Variants in FGF13 observed in about 807,000 individuals in gnomAD.
FGF13 encodes the protein fibroblast growth factor homologous factor 2.
In FGF13, 2 loss-of-function variants were observed where a neutral mutation model predicts 19.5. The ratio of observed to expected loss-of-function variants is 0.10; its 90% CI spans 0.04 to 0.32. The LOEUF (loss-of-function observed/expected upper bound fraction) is 0.32. Among genes scored for constraint, FGF13 ranks in the 10% least tolerant of loss-of-function variants. FGF13 has a pLI of 1.00. For synonymous variants in FGF13, 72 were observed against 76.9 expected (o/e 0.94, Z 0.33); for missense variants, 113 against 192.7 (o/e 0.59, Z 2.45).
intron 3 of FGF13, among the ~76,000 whole-genome samples, chrX:138,833,458 G>A (rs141818249): frequency 0.021 from 2,387 of 111,155 alleles, 70 homozygotes; most frequent in African/African-American, 0.073. Context: ...TTTGGCTTTC[G>A]GCTTGACTGT....
chrX:138,890,666 G>A (rs1415043322), intron 1 of FGF13, among the ~76,000 whole-genome samples: 5 of 111,712 alleles, frequency 4.5e-5, no homozygotes, highest in African/African-American at 9.8e-5. Flanking sequence ...CACTCAGTCT[G>A]GTGTTGAAAT....
At chrX:139,197,993 C>CAAAAAAAAAA (rs57335781) in intron 1 of FGF13, among the ~76,000 whole-genome samples, 7 of 23,280 alleles carry the variant, frequency 3.0e-4, no homozygotes, top group South Asian at 3.5e-3. Flanking sequence ...GACCCTACCT[C>CAAAAAAAAAA]AAAAAAAAAA....
At chrX:138,960,346 G>A in intron 1 of FGF13, among the ~76,000 whole-genome samples, 1 of 111,709 alleles carries the variant, frequency 9.0e-6, no homozygotes, top group Non-Finnish European at 1.9e-5. Context: ...GTTGAATATT[G>A]GCCCCCACTC....
chrX:138,916,149 G>T (rs1338193077), intron 1 of FGF13, among the ~76,000 whole-genome samples: 1 of 111,665 alleles, frequency 9.0e-6, no homozygotes, highest in African/African-American at 3.3e-5. Flanking sequence ...TCCATAATTC[G>T]CAGTGAGTCG....
chrX:139,131,003 A>G (rs2083756211), intron 1 of FGF13, among the ~76,000 whole-genome samples: 1 of 111,870 alleles, frequency 8.9e-6, no homozygotes, highest in Non-Finnish European at 1.9e-5. Context: ...TGATTTTTCT[A>G]TTTATAATTC....
chrX:138,896,415 A>C (rs2091504532), intron 1 of FGF13, among the ~76,000 whole-genome samples: 1 of 111,756 alleles, frequency 8.9e-6, no homozygotes, highest in African/African-American at 3.3e-5. Context: ...ATTTTCACCT[A>C]TACTTTTCTT....
intron 1 of FGF13, among the ~76,000 whole-genome samples, chrX:139,163,165 G>T (rs1329140227): frequency 8.9e-6 from 1 of 112,028 alleles, no homozygotes; most frequent in Non-Finnish European, 1.9e-5. Context: ...ATGATAGACT[G>T]GATAAAGAAA....
rs1391470468 is a variant in FGF13, at chrX:138,711,476, C to CGGAGGGA, written c.-474_-473insTCCCTCC. 3.0e-5 allele frequency: 22 copies of CGGAGGGA among 733,536 alleles called. No individual in the cohort carries two copies. Among genetic ancestry groups the CGGAGGGA allele is most frequent in the South Asian group, 2.8e-4 (4 of 14,257 alleles). The allele number at this position is 733,536 out of a possible 1,213,427, so 60.5% of individuals were successfully genotyped here. A position where few individuals can be genotyped will look rare whatever the true frequency, so the allele number is the denominator to read the frequency against. On this transcript the variant is annotated 5_prime_UTR_variant, in exon 1 of 5. Coordinates refer to ENST00000315930, the MANE Select transcript of FGF13 (RefSeq NM_004114.5). ...GAGAGAGGCCGGGAGCTCGGGCGGC[C>CGGAGGGA]GGACGGAGGAGGGACGAGGCAGCGC...
At chrX:139,058,124 A>G (rs1264520172) in intron 1 of FGF13, among the ~76,000 whole-genome samples, 1 of 111,866 alleles carries the variant, frequency 8.9e-6, no homozygotes, top group Non-Finnish European at 1.9e-5. Context: ...ACTCTGCACA[A>G]TCAAATACCT....
At chrX:138,827,816 T>C (rs1487852665) in intron 3 of FGF13, among the ~76,000 whole-genome samples, 1 of 112,212 alleles carries the variant, frequency 8.9e-6, no homozygotes, top group Admixed American at 9.4e-5. Flanking sequence ...TTTCCCTTTA[T>C]TGATTACTTG....
intron 3 of FGF13, among the ~76,000 whole-genome samples, chrX:138,755,591 A>G (rs1040627318): frequency 7.1e-5 from 8 of 112,731 alleles, no homozygotes; most frequent in Non-Finnish European, 1.5e-4. Flanking sequence ...GCAAGTTCAA[A>G]CTCTATAATG....
intron 3 of FGF13, among the ~76,000 whole-genome samples, chrX:138,689,788 C>T (rs766509093): frequency 1.8e-5 from 2 of 112,323 alleles, no homozygotes; most frequent in East Asian, 5.6e-4. Flanking sequence ...GTTCTGTTGA[C>T]ACCCTATTTT....
At chrX:138,768,738 G>GATATATATATATATATATATATATAT (rs1207173971) in intron 3 of FGF13, among the ~76,000 whole-genome samples, 1 of 94,768 alleles carries the variant, frequency 1.1e-5, no homozygotes, top group African/African-American at 4.2e-5. Context: ...ATATATATAT[G>GATATATATATATATATATATATATAT]ATATATATAT....
chrX:138,825,314 C>T (rs762540251), intron 3 of FGF13, among the ~76,000 whole-genome samples: 2 of 111,955 alleles, frequency 1.8e-5, no homozygotes, highest in African/African-American at 6.5e-5. Flanking sequence ...CTCCATTTCT[C>T]ATCCTGAAAT....
At chrX:138,911,787 T>C (rs2091589380) in intron 1 of FGF13, among the ~76,000 whole-genome samples, 1 of 111,822 alleles carries the variant, frequency 8.9e-6, no homozygotes, top group Admixed American at 9.5e-5. Context: ...CAACCATCTG[T>C]AAACTTGTCA....
Position 139,054,899 on chromosome X carries a change from G to GTTGTGTTGTGTTGTATTGTATTGTA in FGF13, c.-113+148516_-113+148517insTACAATACAATACAACACAACACAA, listed in dbSNP as rs1556347171. 1.8e-3 allele frequency among the ~76,000 whole-genome samples: 183 copies of GTTGTGTTGTGTTGTATTGTATTGTA among 98,927 alleles called. 1 individual carries two copies. Among genetic ancestry groups the GTTGTGTTGTGTTGTATTGTATTGTA allele is most frequent in the African/African-American group, 6.4e-3 (156 of 24,273 alleles). 85.9% of individuals were successfully genotyped at this position (98,927 alleles called of 115,157 possible). Reference sequence around the variant, plus strand: ...GTTGTGTTGTGTTGTGTTGTGTTGTGTTGTATTGTATTGTATTGTATTGTA... The same window carrying GTTGTGTTGTGTTGTATTGTATTGTA: ...GTTGTGTTGTGTTGTGTTGTGTTGTGTTGTGTTGTGTTGTATTGTATTGTATTGTATTGTATTGTATTGTATTGTA... On this transcript the variant is annotated intron_variant, in intron 1 of 2. Transcript: ENST00000421460.
intron 1 of FGF13, among the ~76,000 whole-genome samples, chrX:139,101,513 C>T (rs1042223379): frequency 8.9e-6 from 1 of 111,757 alleles, no homozygotes; most frequent in African/African-American, 3.2e-5. Flanking sequence ...GAATATTCGA[C>T]GGATTGGGTA....
rs753521731 is a variant in FGF13, at chrX:139,147,695, C to T, written c.-113+55721G>A. On this transcript the variant is annotated intron_variant, in intron 1 of 2. Coordinates refer to the FGF13 transcript ENST00000421460. ...GACATGCTTCCTTGGCTAGTAGCTG[C>T]ATCATTTCAATCTCTGCCCTCGTCT... Among the ~76,000 whole-genome samples the T allele has an allele frequency of 3.6e-5, 4 of 111,415 alleles. No homozygotes were observed. The South Asian group carries it at 1.5e-3, about 42-fold the overall frequency.
At chrX:138,808,315 A>G (rs1308279659) in intron 3 of FGF13, among the ~76,000 whole-genome samples, 2 of 112,284 alleles carry the variant, frequency 1.8e-5, no homozygotes, top group Admixed American at 9.4e-5. Context: ...CTGCAAGGAA[A>G]GTGAACAACC....
Sources: allele counts gnomAD v4.1 joint callset (sites outside exome capture counted in the v4.1 genomes callset), GRCh38; gene constraint gnomAD v4.1.1; transcripts MANE v1.5; gene names NCBI Gene and HGNC (gene_info 2026-07-23, HGNC 2026-07-21).